Variants in VEGFA observed in about 807,000 individuals in gnomAD.
VEGFA encodes the protein vascular endothelial growth factor A.
VEGFA carries 20 observed loss-of-function variants against 49.7 expected under a neutral mutation model. The ratio of observed to expected loss-of-function variants is 0.40; its 90% CI spans 0.28 to 0.58. The LOEUF is 0.58. Among genes scored for constraint, VEGFA ranks in the 20% least tolerant of loss-of-function variants. VEGFA has a pLI of 0.40. For missense variants in VEGFA, 505 were observed against 553.5 expected (o/e 0.91, Z 0.88); for synonymous variants, 219 against 223.4 (o/e 0.98, Z 0.18).
At position 43,777,029 on chromosome 6, in the gene VEGFA, G is replaced by A; in HGVS notation, c.659-440G>A. The stretch of plus-strand genomic sequence containing the variant: ...TCAATAAACAGCTGTTGGTATGGTT[G>A]ACGTTATGGTAGTGGTTGTGGGGAG... On this transcript the variant is annotated intron_variant, in intron 2 of 7. Transcript: ENST00000672860. This position sits in a 1 kb window ranked among gnomAD's most constrained non-coding sequence, Gnocchi z 4.3. The A allele has an allele frequency of 3.0e-6, 1 of 337,904 alleles. No individual in the cohort carries two copies. The highest frequency in any genetic ancestry group is 5.8e-6 in the Non-Finnish European group (1 of 171,448). The allele number at this position is 337,904 out of a possible 1,614,324, so 20.9% of individuals were successfully genotyped here.
intron 6 of VEGFA, 24 bp downstream of exon 6, chr6:43,780,827 T>C (rs908246511): frequency 4.3e-6 from 7 of 1,613,802 alleles, no homozygotes; most frequent in African/African-American, 1.3e-5. Flanking sequence ...CGCTGCTGTC[T>C]AATGCCCTGG....
At chr6:43,771,865 C>A (rs1280107997) in intron 1 of VEGFA, 2 of 200,116 alleles carry the variant, frequency 1.0e-5, no homozygotes, top group Non-Finnish European at 1.8e-5. Context: ...GCTGCGGGGA[C>A]CCCCCCTCCC....
chr6:43,775,439 A>AG (rs1220704026), intron 2 of VEGFA: 1 of 152,166 alleles, frequency 6.6e-6, no homozygotes, highest in Non-Finnish European at 1.5e-5. Flanking sequence ...CCCTCCTTGG[A>AG]GGGGCGGCTG....
chr6:43,777,897 G>T lies in VEGFA; in HGVS notation c.855+232G>T. 6.8e-6 allele frequency: 4 copies of T among 585,838 alleles called. No homozygotes were observed. The highest frequency in any genetic ancestry group is 1.2e-5 in the Non-Finnish European group (4 of 328,512). The allele number at this position is 585,838 out of a possible 1,614,324, so 36.3% of individuals were successfully genotyped here. A position where few individuals can be genotyped will look rare whatever the true frequency, so the allele number is the denominator to read the frequency against. On this transcript the variant is annotated intron_variant, in intron 3 of 7. Coordinates refer to ENST00000672860, the MANE Select transcript of VEGFA (RefSeq NM_003376.6). This position sits in a 1 kb window ranked among gnomAD's most constrained non-coding sequence, Gnocchi z 4.3. ...CCTTCTCCCTGATGGTTGCCCATGG[G>T]CTCAGGAGGGGACAGATGGATGCCT... is the stretch of plus-strand genomic sequence containing the variant.
chr6:43,782,330 G>A (rs112187145), intron 7 of VEGFA: 83 of 533,428 alleles, frequency 1.6e-4, no homozygotes, highest in African/African-American at 1.5e-3. Flanking sequence ...GGTTGCCTGA[G>A]TGGTAGGCTG....
chr6:43,782,480 AC>A, intron 7 of VEGFA: 2 of 331,464 alleles, frequency 6.0e-6, no homozygotes, highest in Non-Finnish European at 1.2e-5. Context: ...CCAGGTGTGG[AC>A]AATGTCAACA....
intron 4 of VEGFA, 115 bp from the exon 5 acceptor site, chr6:43,778,774 G>C: frequency 8.3e-7 from 1 of 1,202,658 alleles, no homozygotes; most frequent in East Asian, 2.4e-5. Context: ...AAACAGTGTT[G>C]CTCCATAATA....
At position 43,771,229 on chromosome 6, in the gene VEGFA, G is replaced by A. The variant is rs761101895; in HGVS notation, c.523G>A (p.Gly175Ser). The stretch of plus-strand genomic sequence containing the variant: ...AGGGAGCGCGAGCCGCGCCGGCCCC[G>A]GTCGGGCCTCCGAAACCATGAACTT... Residue 175 changes from glycine to serine, a missense_variant, in exon 1 of 8, where the codon GGT (glycine) becomes AGT (serine). Coordinates refer to ENST00000672860, the MANE Select transcript of VEGFA (RefSeq NM_003376.6). 6.9e-6 allele frequency: 11 copies of A among 1,605,744 alleles called. No individual in the cohort carries two copies. In the South Asian group the frequency reaches 8.8e-5, roughly 13 times the overall value.
chr6:43,785,532 T>C lies in VEGFA; in HGVS notation c.*970T>C, dbSNP rs1769310156. On this transcript the variant is annotated 3_prime_UTR_variant, in exon 8 of 8. Coordinates refer to ENST00000672860, the MANE Select transcript of VEGFA (RefSeq NM_003376.6). The stretch of plus-strand genomic sequence containing the variant: ...ACACATTGTTGGAAGAAGCAGCCCA[T>C]GACAGCTCCCCTTCCTGGGACTCGC... 4.7e-6 allele frequency: 1 copy of C among 214,002 alleles called. No individual in the cohort carries two copies. The highest frequency in any genetic ancestry group is 5.8e-5 in the Admixed American group (1 of 17,100). 13.3% of individuals were successfully genotyped at this position (214,002 alleles called of 1,614,324 possible).
chr6:43,778,339 C>A, intron 3 of VEGFA, 121 bp from the exon 4 acceptor site: 1 of 842,348 alleles, frequency 1.2e-6, no homozygotes, highest in Non-Finnish European at 2.0e-6. Context: ...TCCCTGCCTC[C>A]ACCACCCATC....
In VEGFA at chr6:43,773,186, G is replaced by C. The variant is rs1206551801; in HGVS notation, c.607-1155G>C. 1 of 152,660 alleles carries C rather than the reference G, an allele frequency of 6.6e-6. No individual in the cohort carries two copies. The highest frequency in any genetic ancestry group is 1.9e-4 in the East Asian group (1 of 5,196). The allele number at this position is 152,660 out of a possible 1,614,324, so 9.5% of individuals were successfully genotyped here. A position where few individuals can be genotyped will look rare whatever the true frequency, so the allele number is the denominator to read the frequency against. ...CTTCCTGTGACCTTGGCTGTCTCTGGGAGCAGGGCTGGGGTACCTGAGTGG... is the reference window on the plus strand; with the variant it reads ...CTTCCTGTGACCTTGGCTGTCTCTGCGAGCAGGGCTGGGGTACCTGAGTGG... On this transcript the variant is annotated intron_variant, in intron 1 of 7. Transcript: ENST00000672860. This position sits in a 1 kb window ranked among gnomAD's most constrained non-coding sequence, Gnocchi z 5.6.
At position 43,777,154 on chromosome 6, in the gene VEGFA, C is replaced by G. The variant is rs939001975; in HGVS notation, c.659-315C>G. On this transcript the variant is annotated intron_variant, in intron 2 of 7. Coordinates refer to ENST00000672860, the MANE Select transcript of VEGFA (RefSeq NM_003376.6). This position sits in a 1 kb window ranked among gnomAD's most constrained non-coding sequence, Gnocchi z 4.3. ...GGGGTATACCCATACTCAGACTGTC[C>G]TCTGGCATCGAGGTTGGCCCAGGAT... 1 of 446,858 alleles carries G rather than the reference C, an allele frequency of 2.2e-6. No homozygotes were observed. The highest frequency in any genetic ancestry group is 2.0e-5 in the African/African-American group (1 of 50,302). The allele number at this position is 446,858 out of a possible 1,614,324, so 27.7% of individuals were successfully genotyped here.
At position 43,786,159 on chromosome 6, in the gene VEGFA, ATG is replaced by A. The variant is rs1769416933; in HGVS notation, c.*1599_*1600del. 1.1e-5 allele frequency: 2 copies of A among 176,784 alleles called. No individual in the cohort carries two copies. The highest frequency in any genetic ancestry group is 2.4e-5 in the African/African-American group (1 of 42,198). 11.0% of individuals were successfully genotyped at this position (176,784 alleles called of 1,614,324 possible). ...TATTTGTGTGTATATATATATATATATGTTTATGTATATATGTGATTCTGATA... is the reference window on the plus strand; with the variant it reads ...TATTTGTGTGTATATATATATATATATTTATGTATATATGTGATTCTGATA... On this transcript the variant is annotated 3_prime_UTR_variant, in exon 8 of 8. Transcript: ENST00000672860.
chr6:43,775,807 G>C (rs1415543452), intron 2 of VEGFA: 3 of 152,234 alleles, frequency 2.0e-5, no homozygotes, highest in African/African-American at 7.2e-5. Flanking sequence ...TTGGTGGTCT[G>C]GATAAAAGAA....
chr6:43,783,761 G>T (rs1768728965), intron 7 of VEGFA: 1 of 152,436 alleles, frequency 6.6e-6, no homozygotes, highest in Non-Finnish European at 1.5e-5. Context: ...CCAGGGGCAG[G>T]GGCATGCTGA....
intron 6 of VEGFA, chr6:43,781,125 G>A: frequency 3.5e-6 from 2 of 567,030 alleles, no homozygotes; most frequent in Admixed American, 3.0e-5. Flanking sequence ...TGTTGGCACA[G>A]GTGCCTGCTC....
chr6:43,777,977 C>G lies in VEGFA; in HGVS notation c.855+312C>G. On this transcript the variant is annotated intron_variant, in intron 3 of 7. Transcript: ENST00000672860. The surrounding 1 kb of genome is among the most constrained non-coding windows in gnomAD (Gnocchi z 4.3). ...GAGAGAGTCCTGAGTGCCCCCCCTT[C>G]TTGGGGGCTTTGTTTGGGAAGCTGG... 1 of 475,022 alleles carries G rather than the reference C, an allele frequency of 2.1e-6. No individual in the cohort carries two copies. The highest frequency in any genetic ancestry group is 3.8e-6 in the Non-Finnish European group (1 of 261,438). The allele number at this position is 475,022 out of a possible 1,614,324, so 29.4% of individuals were successfully genotyped here.
rs1253602433 is a variant in VEGFA, at chr6:43,786,322, G to A, written c.*1760G>A. 1.7e-5 allele frequency: 3 copies of A among 177,854 alleles called. No individual in the cohort carries two copies. Among genetic ancestry groups the A allele is most frequent in the African/African-American group, 4.8e-5 (2 of 41,938 alleles). The allele number at this position is 177,854 out of a possible 1,614,324, so 11.0% of individuals were successfully genotyped here. A position where few individuals can be genotyped will look rare whatever the true frequency, so the allele number is the denominator to read the frequency against. On this transcript the variant is annotated 3_prime_UTR_variant, in exon 8 of 8. Transcript: ENST00000672860. ...TATTTATTGGTGCTACTGTTTATCC[G>A]TAATAATTGTGGGGAAAAGATATTA...
rs1765722763 is a variant in VEGFA, at chr6:43,777,213, AG to A, written c.659-255del. 1.8e-6 allele frequency: 1 copy of A among 557,526 alleles called. No homozygotes were observed. The highest frequency in any genetic ancestry group is 1.9e-5 in the African/African-American group (1 of 53,672). 34.5% of individuals were successfully genotyped at this position (557,526 alleles called of 1,614,324 possible). On this transcript the variant is annotated intron_variant, in intron 2 of 7. Coordinates refer to ENST00000672860, the MANE Select transcript of VEGFA (RefSeq NM_003376.6). This position sits in a 1 kb window ranked among gnomAD's most constrained non-coding sequence, Gnocchi z 4.3. ...GCTGTCACAGTGAGGTGGCGGGATCAGATGTGGCAGGCCATGTCCCTTGGAA... is the reference window on the plus strand; with the variant it reads ...GCTGTCACAGTGAGGTGGCGGGATCAATGTGGCAGGCCATGTCCCTTGGAA...
Sources: allele counts gnomAD v4.1 joint callset, GRCh38; gene constraint gnomAD v4.1.1; non-coding constraint Gnocchi (gnomAD v3.1); transcripts MANE v1.5; gene names NCBI Gene and HGNC (gene_info 2026-07-23, HGNC 2026-07-21).